Variants in CD109 observed in about 807,000 individuals in gnomAD.
CD109 encodes the protein CD109 antigen.
Under a neutral mutation model 165.8 loss-of-function variants are expected in CD109, and 149 were observed. That is an observed-to-expected ratio of 0.90 (90% CI 0.79 to 1.03). The LOEUF is 1.03. Among genes scored for constraint, CD109 ranks in the 50% least tolerant of loss-of-function variants. The pLI is 0.00. For synonymous variants in CD109, 585 were observed against 592.1 expected, an observed-to-expected ratio of 0.99 and a Z score of 0.18; for missense variants, 1,712 against 1,677.8, an observed-to-expected ratio of 1.02 and a Z score of -0.36.
At chr6:73,794,907 G>T (rs1242168267) in intron 23 of CD109, among the ~76,000 whole-genome samples, 1 of 151,412 alleles carries the variant, frequency 6.6e-6, no homozygotes, top group Non-Finnish European at 1.5e-5. Context: ...AAATATATAC[G>T]TACAAGAATA....
intron 2 of CD109, among the ~76,000 whole-genome samples, chr6:73,718,567 C>T (rs1270999901): frequency 2.0e-5 from 3 of 151,436 alleles, no homozygotes; most frequent in Non-Finnish European, 4.4e-5. Context: ...GATGTGCATA[C>T]AACTTTTTTT....
rs1776323680 is a variant in CD109 at position 73,827,991 on chromosome 6, A to AGAT, written c.*4358_*4359insGAT. ...GATCTTTAAGATTTTATCTTTGATA[A>AGAT]CTTTAATAGAATGTGGCTCAGTTCT... On this transcript the variant is annotated 3_prime_UTR_variant, in exon 33 of 33. Transcript: ENST00000287097. 2.6e-5 allele frequency: 4 copies of AGAT among 154,792 alleles called. No individual in the cohort carries two copies. Among genetic ancestry groups the AGAT allele is most frequent in the Non-Finnish European group, 5.9e-5 (4 of 68,214 alleles). The allele number at this position is 154,792 out of a possible 1,614,324, so 9.6% of individuals were successfully genotyped here.
chr6:73,684,304 T>C, the CD109 span, among the ~76,000 whole-genome samples: 3 of 151,340 alleles, frequency 2.0e-5, no homozygotes. Flanking sequence ...ATTGCAAGCT[T>C]GGCTTCTCAG....
rs1775029430 is a variant in CD109 at position 73,827,500 on chromosome 6, T to C, written c.*3867T>C. 2 of 151,780 alleles carry C rather than the reference T, an allele frequency of 1.3e-5. No homozygotes were observed. The highest frequency in any genetic ancestry group is 4.8e-5 in the African/African-American group (2 of 41,428). 9.4% of individuals were successfully genotyped at this position (151,780 alleles called of 1,614,324 possible). On this transcript the variant is annotated 3_prime_UTR_variant, in exon 33 of 33. Transcript: ENST00000287097. ...ATTTATGTTAATATTAAATATCTTA[T>C]GTTACACTGGGAGTAATTTGAGGTG... is the stretch of plus-strand genomic sequence containing the variant.
Position 73,806,867 on chromosome 6 carries a change from G to C in CD109, c.2984G>C (p.Cys995Ser). ...AGGTTGTCAGCTTTTGTTTTAAGAT[G>C]TTTCCTTGAAGCCGATCCTTACATA... The part of the protein sequence containing the change: ...STWLSAFVLR[C>S]FLEADPYIDI... The change falls in exon 25 of 33, where the codon TGT (cysteine) becomes TCT (serine). Residue 995 changes from cysteine to serine, a missense_variant. Physicochemically the swap from Cys to Ser is moderately radical, Grantham distance 112. Coordinates refer to ENST00000287097, the MANE Select transcript of CD109 (RefSeq NM_133493.5). The C allele has an allele frequency of 6.2e-7, 1 of 1,612,716 alleles. No individual in the cohort carries two copies. Among genetic ancestry groups the C allele is most frequent in the Non-Finnish European group, 8.5e-7 (1 of 1,179,320 alleles).
At chr6:73,710,171 A>G (rs1227183818) in intron 2 of CD109, among the ~76,000 whole-genome samples, 4 of 152,198 alleles carry the variant, frequency 2.6e-5, no homozygotes, top group South Asian at 4.1e-4. Context: ...TGTAGATGAC[A>G]TGATTGTATA....
intron 5 of CD109, 145 bp downstream of exon 5, chr6:73,736,653 A>G (rs900479022): frequency 2.9e-6 from 2 of 682,968 alleles, no homozygotes; most frequent in Non-Finnish European, 4.6e-6. Context: ...TTTTTAATTT[A>G]TGATGTTTAT....
At chr6:73,719,486 C>T (rs1771865820) in intron 2 of CD109, among the ~76,000 whole-genome samples, 2 of 152,150 alleles carry the variant, frequency 1.3e-5, no homozygotes, top group South Asian at 4.1e-4. Context: ...TCTTTCTTCT[C>T]TTTCACTCAG....
At position 73,763,644 on chromosome 6, in the gene CD109, T is replaced by A; in HGVS notation, c.1066T>A (p.Tyr356Asn). Reference protein sequence around the residue: ...QHDYIIEFFDYTTVLKPSLNF... With the variant: ...QHDYIIEFFDNTTVLKPSLNF... ...TGATTACATCATTGAGTTTTTTGATTATACTACTGTCTTGAAGCCATCTCT... is the reference window on the plus strand; with the variant it reads ...TGATTACATCATTGAGTTTTTTGATAATACTACTGTCTTGAAGCCATCTCT... The change falls in exon 10 of 33, where the codon TAT becomes AAT. Residue 356 changes from tyrosine to asparagine, a missense_variant. Tyr to Asn is a moderately radical substitution (Grantham distance 143). Transcript: ENST00000287097. The A allele has an allele frequency of 3.1e-6, 5 of 1,593,926 alleles. No homozygotes were observed. Among genetic ancestry groups the A allele is most frequent in the Non-Finnish European group, 4.3e-6 (5 of 1,168,504 alleles).
intron 30 of CD109, among the ~76,000 whole-genome samples, chr6:73,815,401 A>G (rs1383789084): frequency 6.6e-6 from 1 of 152,208 alleles, no homozygotes; most frequent in African/African-American, 2.4e-5. Flanking sequence ...AATTTAGGAA[A>G]ACTTTAAATT....
At chr6:73,710,529 A>ATT (rs912662620) in intron 2 of CD109, among the ~76,000 whole-genome samples, 5 of 148,550 alleles carry the variant, frequency 3.4e-5, no homozygotes, top group South Asian at 2.1e-4. Flanking sequence ...AATTTTTTCT[A>ATT]TTTTTTTTTT....
At chr6:73,697,318 G>T in intron 1 of CD109, 82 bp from the exon 2 acceptor site, 1 of 1,317,270 alleles carries the variant, frequency 7.6e-7, no homozygotes, top group Non-Finnish European at 1.1e-6. Flanking sequence ...AGTGCCTATC[G>T]CACTAGGAAA....
intron 23 of CD109, among the ~76,000 whole-genome samples, chr6:73,796,826 A>G (rs1372184814): frequency 6.6e-6 from 1 of 152,182 alleles, no homozygotes; most frequent in African/African-American, 2.4e-5. Context: ...AGTGATTTCC[A>G]TGTGCTACTC....
intron 32 of CD109, 129 bp downstream of exon 32, chr6:73,820,692 C>CG (rs1243009785): frequency 2.4e-5 from 12 of 495,120 alleles, no homozygotes; most frequent in East Asian, 6.6e-5. Context: ...GTACAGGAGG[C>CG]GGGGGGGCAG....
chr6:73,701,241 T>A (rs1771067014), intron 2 of CD109, among the ~76,000 whole-genome samples: 1 of 152,108 alleles, frequency 6.6e-6, no homozygotes, highest in East Asian at 1.9e-4. Context: ...CTGTTACCAC[T>A]GTCACTGCCT....
chr6:73,792,956 G>GA (rs1356715390), intron 23 of CD109, among the ~76,000 whole-genome samples, 154 bp downstream of exon 23: 1 of 152,172 alleles, frequency 6.6e-6, no homozygotes, highest in Non-Finnish European at 1.5e-5. Context: ...GCAAACAATG[G>GA]AAAGCTGTTA....
chr6:73,796,234 C>T (rs1775159373), intron 23 of CD109, among the ~76,000 whole-genome samples: 1 of 152,162 alleles, frequency 6.6e-6, no homozygotes, highest in Admixed American at 6.5e-5. Context: ...CACTTGCTTG[C>T]TTATGATCCT....
chr6:73,708,458 T>C (rs1000645237), intron 2 of CD109, among the ~76,000 whole-genome samples: 6 of 152,228 alleles, frequency 3.9e-5, no homozygotes, highest in African/African-American at 1.4e-4. Flanking sequence ...TCAATAAACA[T>C]ACGTGTGCAT....
intron 29 of CD109, among the ~76,000 whole-genome samples, chr6:73,812,994 T>C (rs1775806049): frequency 6.6e-6 from 1 of 152,126 alleles, no homozygotes; most frequent in Admixed American, 6.6e-5. Context: ...AAAGTACTTT[T>C]TTCAAAAACC....
Sources: allele counts gnomAD v4.1 joint callset (sites outside exome capture counted in the v4.1 genomes callset), GRCh38; gene constraint gnomAD v4.1.1; transcripts MANE v1.5; gene names NCBI Gene and HGNC (gene_info 2026-07-23, HGNC 2026-07-21).